The following ACSL6 variants were observed in gnomAD, a reference collection of about 807,000 sequenced individuals.
ACSL6 encodes long-chain-fatty-acid--CoA ligase 6.
In ACSL6, 47 loss-of-function variants were observed where a neutral mutation model predicts 98.2. That is an observed-to-expected ratio of 0.48 (90% CI 0.38 to 0.61). ACSL6 has a LOEUF of 0.61. ACSL6 is among the 20% of genes least tolerant of loss of function. ACSL6 has a pLI of 0.00. For missense variants in ACSL6, 761 were observed against 913.4 expected (o/e 0.83, Z 2.15); for synonymous variants, 362 against 336.9 (o/e 1.07, Z -0.82).
intron 14 of ACSL6, 142 bp downstream of exon 14, chr5:131,971,408 T>G: frequency 6.5e-6 from 4 of 611,120 alleles, no homozygotes; most frequent in Admixed American, 3.6e-5. Flanking sequence ...GGCTCTGAGT[T>G]TTTTCCTCCT....
At chr5:131,954,470 T>C in intron 20 of ACSL6, 99 bp from the exon 21 acceptor site, 1 of 1,231,166 alleles carries the variant, frequency 8.1e-7, no homozygotes, top group Non-Finnish European at 1.1e-6. Flanking sequence ...GTAGATATAT[T>C]GACATACAGA....
At chr5:131,970,266 TC>T in intron 14 of ACSL6, 66 bp from the exon 15 acceptor site, 1 of 1,449,684 alleles carries the variant, frequency 6.9e-7, no homozygotes, top group Non-Finnish European at 9.7e-7. Flanking sequence ...GGCCACCCCT[TC>T]CAGACAGCTA....
chr5:131,991,515 GA>G (rs770368419), intron 2 of ACSL6, among the ~76,000 whole-genome samples: 2 of 152,224 alleles, frequency 1.3e-5, no homozygotes, highest in Non-Finnish European at 2.9e-5. Flanking sequence ...AGAAGCCTAG[GA>G]GGCTAGGGAG....
chr5:132,003,532 G>A (rs1755208490), intron 1 of ACSL6: 1 of 152,282 alleles, frequency 6.6e-6, no homozygotes, highest in African/African-American at 2.4e-5. Flanking sequence ...GCTGGCAGGA[G>A]GGCATCACTC....
chr5:131,992,460 C>T (rs1242258740), intron 2 of ACSL6, among the ~76,000 whole-genome samples: 1 of 152,194 alleles, frequency 6.6e-6, no homozygotes, highest in East Asian at 1.9e-4. Context: ...CCGGTGCAGC[C>T]ACTCTGGCTT....
chr5:131,969,858 T>C (rs1753211107), intron 15 of ACSL6, among the ~76,000 whole-genome samples: 1 of 152,178 alleles, frequency 6.6e-6, no homozygotes, highest in Non-Finnish European at 1.5e-5. Context: ...AAAGCAGGGC[T>C]GTAGTGGGTA....
rs1754665758 is a variant in ACSL6 at position 131,994,073 on chromosome 5, C to T, written c.228G>A (p.Leu76=). The change falls in exon 2 of 21, where the codon TTG becomes TTA. Residue 76 remains leucine (L), a synonymous_variant. Coordinates refer to ENST00000651883, the MANE Select transcript of ACSL6 (RefSeq NM_001009185.3). The stretch of plus-strand genomic sequence containing the variant: ...GCATCAGGAGGTTGCATGGCGGCTG[C>T]AAGGCCTTTGGCCGGTGAGTGAACC... The part of the protein sequence containing the change: ...AYWFTHRPKA[L]QPPCNLLMQS... 1.2e-6 allele frequency: 2 copies of T among 1,614,132 alleles called. No individual in the cohort carries two copies. The highest frequency in any genetic ancestry group is 1.7e-6 in the Non-Finnish European group (2 of 1,180,040).
chr5:131,960,680 G>T, intron 18 of ACSL6, 59 bp from the exon 19 acceptor site: 1 of 1,366,456 alleles, frequency 7.3e-7, no homozygotes, highest in Non-Finnish European at 1.0e-6. Context: ...GTGGTTATTT[G>T]TGGTCCAGCA....
At chr5:131,988,492 T>C in intron 6 of ACSL6, 1 of 1,581,898 alleles carries the variant, frequency 6.3e-7, no homozygotes, top group Non-Finnish European at 8.7e-7. Context: ...ATCCCAGGTC[T>C]GTTTGAGATA....
chr5:131,991,869 C>T (rs1207400904), intron 2 of ACSL6, among the ~76,000 whole-genome samples: 1 of 152,234 alleles, frequency 6.6e-6, no homozygotes, highest in Non-Finnish European at 1.5e-5. Context: ...CTCAAAACCA[C>T]AGGCAGCTCC....
At chr5:131,989,175 G>A (rs1278579651) in intron 5 of ACSL6, among the ~76,000 whole-genome samples, 1 of 152,134 alleles carries the variant, frequency 6.6e-6, no homozygotes, top group African/African-American at 2.4e-5. Context: ...CTCCCCATTG[G>A]CTCAAGGGGC....
chr5:131,979,997 G>A (rs1753807194), intron 9 of ACSL6, among the ~76,000 whole-genome samples: 1 of 152,202 alleles, frequency 6.6e-6, no homozygotes, highest in African/African-American at 2.4e-5. Flanking sequence ...ATGTAGAAAG[G>A]CATTTTGCTG....
intron 1 of ACSL6, among the ~76,000 whole-genome samples, chr5:131,997,664 T>C (rs1204987978): frequency 6.6e-6 from 1 of 152,186 alleles, no homozygotes; most frequent in Non-Finnish European, 1.5e-5. Flanking sequence ...TGAGTCCTTC[T>C]CCTCCTACCT....
intron 6 of ACSL6, 47 bp downstream of exon 6, chr5:131,988,758 G>A: frequency 1.3e-6 from 2 of 1,593,102 alleles, no homozygotes; most frequent in Non-Finnish European, 1.7e-6. Context: ...GAGGCTGGAG[G>A]CTGGGGACCA....
At chr5:131,956,909 T>A (rs557205210) in intron 20 of ACSL6, among the ~76,000 whole-genome samples, 134 of 152,212 alleles carry the variant, frequency 8.8e-4, no homozygotes, top group Non-Finnish European at 1.6e-3. Flanking sequence ...ATGCCTAATG[T>A]TAGCTTCCCT....
chr5:131,973,378 C>T lies in ACSL6; in HGVS notation c.1091G>A (p.Gly364Glu). Reference protein sequence around the residue: ...VIQSVVYCHGGRVGFFQGDIR... With the variant: ...VIQSVVYCHGERVGFFQGDIR... ...ATCTCCCTGGAAGAAGCCAACACGC[C>T]CTCCGTGGCAATAGACGACAGACTA... Residue 364 changes from glycine (G) to glutamate (E), a missense_variant, in exon 12 of 21, where the codon GGG (glycine) becomes GAG (glutamate). Transcript: ENST00000651883. 2 of 1,614,140 alleles carry T rather than the reference C, an allele frequency of 1.2e-6. No individual in the cohort carries two copies. The highest frequency in any genetic ancestry group is 1.7e-6 in the Non-Finnish European group (2 of 1,180,004).
At chr5:132,007,023 T>C (rs1282667061) in intron 1 of ACSL6, 1 of 152,112 alleles carries the variant, frequency 6.6e-6, no homozygotes, top group East Asian at 1.9e-4. Flanking sequence ...TTAAAATAAA[T>C]TACGCTCAGG....
At chr5:131,966,744 C>G (rs551605545) in intron 16 of ACSL6, among the ~76,000 whole-genome samples, 2 of 152,358 alleles carry the variant, frequency 1.3e-5, no homozygotes, top group Middle Eastern at 3.4e-3. Flanking sequence ...ATCTTTCCCC[C>G]CTGCCCTGGC....
At chr5:131,974,823 G>A (rs752090159) in intron 11 of ACSL6, 70 bp downstream of exon 11, 1 of 1,613,562 alleles carries the variant, frequency 6.2e-7, no homozygotes, top group Non-Finnish European at 8.5e-7. Context: ...GCACAAGTGG[G>A]AGCCCACTGA....
Sources: allele counts gnomAD v4.1 joint callset (sites outside exome capture counted in the v4.1 genomes callset), GRCh38; gene constraint gnomAD v4.1.1; transcripts MANE v1.5; gene names NCBI Gene and HGNC (gene_info 2026-07-23, HGNC 2026-07-21).